Variants in ALK observed in about 807,000 individuals in gnomAD.
ALK encodes the protein ALK receptor tyrosine kinase.
Under a neutral mutation model 163.1 loss-of-function variants are expected in ALK, and 74 were observed. That is an observed-to-expected ratio of 0.45 (90% CI 0.38 to 0.55). ALK has a LOEUF of 0.55. Among genes scored for constraint, ALK ranks in the 20% least tolerant of loss-of-function variants. The probability of loss-of-function intolerance (pLI) is 0.00; values close to 1 mark genes in which losing one functional copy is unlikely to be tolerated. For missense variants in ALK, 2,063 were observed against 2,105.3 expected (o/e 0.98, Z 0.39); for synonymous variants, 960 against 843.2 (o/e 1.14, Z -2.40).
chr2:29,463,383 A>C lies in ALK; in HGVS notation c.1154+68532T>G, dbSNP rs376551278. ...ATGTTTCATACTGAAAATATGTTTT[A>C]ATATGAAAGTCTGTTCTTTGGTTTA... On this transcript the variant is annotated intron_variant, in intron 4 of 28. Coordinates refer to ENST00000389048, the MANE Select transcript of ALK (RefSeq NM_004304.5). Among the ~76,000 whole-genome samples the C allele has an allele frequency of 5.3e-5, 8 of 152,312 alleles. 1 individual carries two copies. In the East Asian group the frequency reaches 9.6e-4, roughly 18 times the overall value.
At chr2:29,617,547 CAA>C (rs1351594742) in intron 3 of ALK, among the ~76,000 whole-genome samples, 1 of 152,220 alleles carries the variant, frequency 6.6e-6, no homozygotes, top group African/African-American at 2.4e-5. Context: ...CCAGTGCTGA[CAA>C]AGACTGTCTC....
chr2:29,778,083 G>A (rs563658235), intron 1 of ALK, among the ~76,000 whole-genome samples: 37 of 152,308 alleles, frequency 2.4e-4, no homozygotes, highest in African/African-American at 8.2e-4. Context: ...ACTACAGCGG[G>A]TCTTCAATAG....
intron 26 of ALK, among the ~76,000 whole-genome samples, chr2:29,201,334 G>C (rs962550778): frequency 2.6e-5 from 4 of 152,036 alleles, no homozygotes; most frequent in African/African-American, 9.7e-5. Flanking sequence ...AACTCCTTCT[G>C]AACCCACACC....
In ALK at chr2:29,531,959, C is replaced by T. The variant is rs138784554; in HGVS notation, c.1110G>A (p.Glu370=). The change falls in exon 4 of 29, where the codon GAG becomes GAA. Residue 370 remains glutamate, a synonymous_variant. Coordinates refer to ENST00000389048, the MANE Select transcript of ALK (RefSeq NM_004304.5). ...GCATCAGGAGGATCTCTCTTGCAGCCTCGTTGTGGGGCAGCAGCTGGGCAA... is the reference window on the plus strand; with the variant it reads ...GCATCAGGAGGATCTCTCTTGCAGCTTCGTTGTGGGGCAGCAGCTGGGCAA... ...RYIAQLLPHN[E]AAREILLMPT... 565 of 1,614,148 alleles carry T rather than the reference C, an allele frequency of 3.5e-4. 2 individuals are homozygous for T. The African/African-American group carries it at 6.3e-3, about 18-fold the overall frequency.
chr2:29,328,910 TGTTCTTGACCCCAG>T (rs1210390721), intron 5 of ALK, among the ~76,000 whole-genome samples: 3 of 152,202 alleles, frequency 2.0e-5, no homozygotes. Context: ...ATGTCCCCCA[TGTTCTTGACCCCAG>T]GTTCTACCAC....
chr2:29,387,067 T>C (rs1009068882), intron 4 of ALK, among the ~76,000 whole-genome samples: 2 of 152,134 alleles, frequency 1.3e-5, no homozygotes, highest in African/African-American at 2.4e-5. Context: ...TGGTTCCATG[T>C]GTTGGGGATT....
chr2:29,770,992 G>A (rs772926058), intron 1 of ALK, among the ~76,000 whole-genome samples: 2 of 143,068 alleles, frequency 1.4e-5, no homozygotes, highest in Non-Finnish European at 3.0e-5. Context: ...CAGAAACACA[G>A]ACACACACAT....
At chr2:29,728,027 A>C (rs1013321986) in intron 1 of ALK, among the ~76,000 whole-genome samples, 5 of 152,232 alleles carry the variant, frequency 3.3e-5, no homozygotes, top group Non-Finnish European at 5.9e-5. Context: ...CACCCACCAC[A>C]GGAGAAGGTA....
chr2:29,666,052 G>T (rs575205001), intron 3 of ALK, among the ~76,000 whole-genome samples: 4 of 151,906 alleles, frequency 2.6e-5, no homozygotes, highest in African/African-American at 9.7e-5. Context: ...TCATCTCTAG[G>T]CCATTTTCAA....
intron 26 of ALK, among the ~76,000 whole-genome samples, 180 bp downstream of exon 26, chr2:29,206,991 C>G (rs1427722155): frequency 6.6e-6 from 1 of 152,188 alleles, no homozygotes; most frequent in Non-Finnish European, 1.5e-5. Flanking sequence ...TGAATTTTAA[C>G]AAGTCTTTAT....
At chr2:29,255,588 A>G (rs1664929914) in intron 11 of ALK, among the ~76,000 whole-genome samples, 1 of 152,128 alleles carries the variant, frequency 6.6e-6, no homozygotes, top group Non-Finnish European at 1.5e-5. Flanking sequence ...GTATTGGAGA[A>G]GGAACCAAAA....
chr2:29,459,343 G>A (rs943178688), intron 4 of ALK, among the ~76,000 whole-genome samples: 1 of 152,112 alleles, frequency 6.6e-6, no homozygotes, highest in Non-Finnish European at 1.5e-5. Flanking sequence ...CTAAACTTCA[G>A]GCAGGAATAG....
intron 3 of ALK, among the ~76,000 whole-genome samples, chr2:29,649,700 C>G (rs900405013): frequency 1.3e-5 from 2 of 152,158 alleles, no homozygotes; most frequent in Non-Finnish European, 2.9e-5. Flanking sequence ...CAGACTCTTC[C>G]TCAACCTCCT....
chr2:29,464,180 A>C (rs968849764), intron 4 of ALK, among the ~76,000 whole-genome samples: 6 of 152,188 alleles, frequency 3.9e-5, no homozygotes, highest in Non-Finnish European at 7.4e-5. Context: ...CCAGGCATTC[A>C]AAAAAGAAGA....
intron 3 of ALK, among the ~76,000 whole-genome samples, chr2:29,691,650 T>C (rs1678399289): frequency 1.3e-5 from 2 of 152,172 alleles, no homozygotes; most frequent in Non-Finnish European, 2.9e-5. Flanking sequence ...TGCTAAAGAA[T>C]GCTGAGAAGT....
intron 1 of ALK, among the ~76,000 whole-genome samples, chr2:29,853,651 G>C (rs1276631260): frequency 6.6e-6 from 1 of 152,110 alleles, no homozygotes; most frequent in Admixed American, 6.6e-5. Context: ...CATGCCATCT[G>C]CCAACTCAAA....
intron 3 of ALK, among the ~76,000 whole-genome samples, chr2:29,588,133 G>A (rs573341548): frequency 1.1e-4 from 16 of 152,252 alleles, no homozygotes; most frequent in Middle Eastern, 3.4e-3. Flanking sequence ...GTCCGTTTAT[G>A]CAGTGACCCC....
At chr2:29,668,726 CT>C (rs1341868499) in intron 3 of ALK, among the ~76,000 whole-genome samples, 2 of 152,050 alleles carry the variant, frequency 1.3e-5, no homozygotes, top group African/African-American at 2.4e-5. Flanking sequence ...ATGTATTAGT[CT>C]GTTCTCATGG....
chr2:29,858,599 C>T (rs981295635), intron 1 of ALK, among the ~76,000 whole-genome samples: 3 of 151,512 alleles, frequency 2.0e-5, no homozygotes, highest in East Asian at 3.9e-4. Context: ...AAAAATTAGC[C>T]GCTCGTGGTG....
Sources: allele counts gnomAD v4.1 joint callset (sites outside exome capture counted in the v4.1 genomes callset), GRCh38; gene constraint gnomAD v4.1.1; transcripts MANE v1.5; gene names NCBI Gene and HGNC (gene_info 2026-07-23, HGNC 2026-07-21).